Variants in NEGR1 observed in about 807,000 individuals in gnomAD.
NEGR1 encodes the protein IgLON family member 4.
NEGR1 carries 10 observed loss-of-function variants against 40.9 expected under a neutral mutation model. That is an observed-to-expected ratio of 0.24 (90% confidence interval 0.15 to 0.42). The LOEUF is 0.42. NEGR1 is among the 10% of genes least tolerant of loss of function. The probability of loss-of-function intolerance (pLI) is 1.00; values close to 1 mark genes in which losing one functional copy is unlikely to be tolerated. For synonymous variants in NEGR1, 185 were observed against 166.8 expected (o/e 1.11, Z -0.84); for missense variants, 352 against 438.9 (o/e 0.80, Z 1.77).
chr1:71,746,187 A>G (rs1051674942), intron 3 of NEGR1, among the ~76,000 whole-genome samples: 1 of 152,204 alleles, frequency 6.6e-6, no homozygotes, highest in Non-Finnish European at 1.5e-5. Context: ...TGTCTTTGTC[A>G]CACAGGTGTT....
intron 3 of NEGR1, among the ~76,000 whole-genome samples, chr1:71,771,447 T>G (rs891787144): frequency 6.6e-6 from 1 of 151,708 alleles, no homozygotes; most frequent in Non-Finnish European, 1.5e-5. Flanking sequence ...TAAAGTATCA[T>G]AAAACAAAAA....
intron 1 of NEGR1, among the ~76,000 whole-genome samples, chr1:71,950,307 T>C (rs1323904232): frequency 6.6e-6 from 1 of 151,984 alleles, no homozygotes; most frequent in Non-Finnish European, 1.5e-5. Flanking sequence ...TTTAGTATAA[T>C]TTGTAGCAAG....
At chr1:71,973,128 A>C (rs1356532790) in intron 1 of NEGR1, among the ~76,000 whole-genome samples, 1 of 152,148 alleles carries the variant, frequency 6.6e-6, no homozygotes, top group Non-Finnish European at 1.5e-5. Context: ...CATCCTGGCT[A>C]ACACGGTGAA....
At chr1:71,798,694 A>G (rs554879231) in intron 2 of NEGR1, among the ~76,000 whole-genome samples, 1 of 152,014 alleles carries the variant, frequency 6.6e-6, no homozygotes, top group Non-Finnish European at 1.5e-5. Flanking sequence ...GAAACCTAAT[A>G]TTTTTTTTCC....
chr1:71,830,513 T>C (rs552683704), intron 2 of NEGR1, among the ~76,000 whole-genome samples: 81 of 151,950 alleles, frequency 5.3e-4, no homozygotes, highest in African/African-American at 1.9e-3. Context: ...CCTTGTTGAT[T>C]GCATTCTTGA....
At chr1:71,895,052 T>G (rs1452342462) in intron 2 of NEGR1, among the ~76,000 whole-genome samples, 4 of 152,212 alleles carry the variant, frequency 2.6e-5, no homozygotes, top group Non-Finnish European at 4.4e-5. Flanking sequence ...ATTCTATTGT[T>G]AACTACCATG....
chr1:71,816,161 C>T (rs1658199571), intron 2 of NEGR1, among the ~76,000 whole-genome samples: 1 of 151,944 alleles, frequency 6.6e-6, no homozygotes, highest in Non-Finnish European at 1.5e-5. Flanking sequence ...AATTCATGAC[C>T]AGAAAACTCA....
intron 1 of NEGR1, among the ~76,000 whole-genome samples, chr1:71,947,210 GT>G (rs1324350305): frequency 2.7e-5 from 4 of 148,568 alleles, no homozygotes; most frequent in Admixed American, 1.3e-4. Flanking sequence ...ACTTAATATA[GT>G]TAATAATAGA....
rs1008931583 is a variant in NEGR1, at chr1:72,141,024, A to G, written c.176+141295T>C. On this transcript the variant is annotated intron_variant, in intron 1 of 6. Coordinates refer to ENST00000357731, the MANE Select transcript of NEGR1 (RefSeq NM_173808.3). Reference sequence around the variant, plus strand: ...AGATGTAAACCCTGACATTGTGTACACTAACATGATATGATATAATGTAGT... The same window carrying G: ...AGATGTAAACCCTGACATTGTGTACGCTAACATGATATGATATAATGTAGT... 1.3e-4 allele frequency among the ~76,000 whole-genome samples: 20 copies of G among 152,220 alleles called. No homozygotes were observed. In the East Asian group the frequency reaches 1.5e-3, roughly 12 times the overall value.
At chr1:71,693,330 C>G (rs1340009022) in intron 4 of NEGR1, among the ~76,000 whole-genome samples, 1 of 151,538 alleles carries the variant, frequency 6.6e-6, no homozygotes, top group Non-Finnish European at 1.5e-5. Flanking sequence ...TCTATTTTGC[C>G]TAGTAGAATG....
intron 1 of NEGR1, among the ~76,000 whole-genome samples, chr1:71,999,682 T>C (rs74089524): frequency 0.045 from 4,161 of 91,484 alleles, 476 homozygotes; most frequent in African/African-American, 0.14. Flanking sequence ...TATATATACA[T>C]ACATATTTTT....
At chr1:72,045,093 T>A (rs1646989223) in intron 1 of NEGR1, among the ~76,000 whole-genome samples, 1 of 151,746 alleles carries the variant, frequency 6.6e-6, no homozygotes, top group African/African-American at 2.4e-5. Flanking sequence ...TCTATATAAT[T>A]TTGACCTCAC....
chr1:71,400,459 T>C lies in NEGR1; in HGVS notation c.*6987A>G, dbSNP rs1444028503. On this transcript the variant is annotated 3_prime_UTR_variant, in exon 7 of 7. Coordinates refer to ENST00000357731, the MANE Select transcript of NEGR1 (RefSeq NM_173808.3). ...CCTGTGACAAAAAAAAAAAGACTTTTTCTGTTAATTCTTTTTAACAAGTGC... is the reference window on the plus strand; with the variant it reads ...CCTGTGACAAAAAAAAAAAGACTTTCTCTGTTAATTCTTTTTAACAAGTGC... 3 of 152,172 alleles carry C rather than the reference T, an allele frequency of 2.0e-5. No individual in the cohort carries two copies. Among genetic ancestry groups the C allele is most frequent in the African/African-American group, 7.2e-5 (3 of 41,454 alleles). The allele number at this position is 152,172 out of a possible 1,614,324, so 9.4% of individuals were successfully genotyped here. A position where few individuals can be genotyped will look rare whatever the true frequency, so the allele number is the denominator to read the frequency against.
chr1:71,812,784 T>C (rs1438584535), intron 2 of NEGR1, among the ~76,000 whole-genome samples: 1 of 152,138 alleles, frequency 6.6e-6, no homozygotes, highest in African/African-American at 2.4e-5. Context: ...TTGTTTAAAG[T>C]CCTTGTAGAT....
At chr1:71,970,717 A>G (rs565000561) in intron 1 of NEGR1, among the ~76,000 whole-genome samples, 1 of 152,202 alleles carries the variant, frequency 6.6e-6, no homozygotes, top group East Asian at 1.9e-4. Flanking sequence ...TAACTTAAAT[A>G]ATACTGCTCT....
intron 4 of NEGR1, among the ~76,000 whole-genome samples, chr1:71,624,638 CAG>C (rs141662573): frequency 0.014 from 2,074 of 152,018 alleles, 23 homozygotes; most frequent in Middle Eastern, 0.051. Flanking sequence ...ATCCCTACTT[CAG>C]AGTCTTTTTA....
At chr1:71,602,284 GT>G in intron 5 of NEGR1, among the ~76,000 whole-genome samples, 1 of 54,280 alleles carries the variant, frequency 1.8e-5, no homozygotes, top group Non-Finnish European at 3.0e-5. Flanking sequence ...GTCTCGCTCT[GT>G]CGCCCAGGCT....
intron 6 of NEGR1, among the ~76,000 whole-genome samples, chr1:71,510,607 G>T (rs774066523): frequency 4.6e-5 from 7 of 152,140 alleles, no homozygotes; most frequent in African/African-American, 1.7e-4. Flanking sequence ...CAGAGAAGGG[G>T]ATGGGGTATA....
At chr1:71,493,976 C>G (rs542451740) in intron 6 of NEGR1, among the ~76,000 whole-genome samples, 1 of 152,252 alleles carries the variant, frequency 6.6e-6, no homozygotes, top group South Asian at 2.1e-4. Context: ...TATCCTTTTG[C>G]CTGAAGTGAC....
Sources: allele counts gnomAD v4.1 joint callset (sites outside exome capture counted in the v4.1 genomes callset), GRCh38; gene constraint gnomAD v4.1.1; transcripts MANE v1.5; gene names NCBI Gene and HGNC (gene_info 2026-07-23, HGNC 2026-07-21).